DLGAP2: variants seen among roughly 807,000 people sequenced by gnomAD.
DLGAP2 encodes the protein disks large-associated protein 2.
A neutral mutation model predicts 100.3 loss-of-function variants in DLGAP2; 26 were observed. That is an observed-to-expected ratio of 0.26 (90% confidence interval 0.19 to 0.36). The LOEUF is 0.36. DLGAP2 is among the 10% of genes least tolerant of loss of function. The pLI, the probability that DLGAP2 is intolerant of heterozygous loss-of-function variation, is 1.00. For missense variants in DLGAP2, 1,858 were observed against 1,453.2 expected (o/e 1.28, Z -4.53); for synonymous variants, 886 against 630.1 (o/e 1.41, Z -6.08).
At chr8:1,507,121 C>G (rs1230058322) in intron 4 of DLGAP2, among the ~76,000 whole-genome samples, 1 of 152,252 alleles carries the variant, frequency 6.6e-6, no homozygotes, top group Non-Finnish European at 1.5e-5. Context: ...GGATCCTGCG[C>G]TGGGGCCACG....
intron 6 of DLGAP2, among the ~76,000 whole-genome samples, chr8:1,575,481 T>G (rs890514970): frequency 4.0e-5 from 6 of 149,298 alleles, no homozygotes; most frequent in African/African-American, 1.5e-4. Context: ...TTATTATTAT[T>G]ATTATTATTT....
At chr8:1,504,924 T>C (rs1282737372) in intron 4 of DLGAP2, among the ~76,000 whole-genome samples, 1 of 152,140 alleles carries the variant, frequency 6.6e-6, no homozygotes, top group Non-Finnish European at 1.5e-5. Context: ...CCTTTATCAT[T>C]CTAATGTACC....
chr8:763,788 A>G (rs1371073959), intron 1 of DLGAP2, among the ~76,000 whole-genome samples: 5 of 152,246 alleles, frequency 3.3e-5, no homozygotes, highest in African/African-American at 1.2e-4. Flanking sequence ...ACTTGGTGGT[A>G]GAATTTAAAA....
At chr8:1,056,706 C>A (rs1802892714) in intron 2 of DLGAP2, among the ~76,000 whole-genome samples, 1 of 152,210 alleles carries the variant, frequency 6.6e-6, no homozygotes, top group African/African-American at 2.4e-5. Context: ...TCAGACTGAG[C>A]TGGATTTGAA....
rs1801690831 is a variant in DLGAP2, at chr8:1,549,616, T to A, written c.1163T>A (p.Leu388Gln). 6.3e-7 allele frequency: 1 copy of A among 1,584,612 alleles called. No individual in the cohort carries two copies. The highest frequency in any genetic ancestry group is 1.1e-5 in the South Asian group (1 of 88,268). Residue 388 changes from leucine (L) to glutamine (Q), a missense_variant, in exon 5 of 15, where the codon CTG becomes CAG. Coordinates refer to ENST00000637795, the MANE Select transcript of DLGAP2 (RefSeq NM_001346810.2). ...QAKEAYRKSS[L>Q]NLDKPLLHQD... Reference sequence around the variant, plus strand: ...AAGGAGGCCTACCGCAAGAGCTCGCTGAACCTGGACAAGCCGCTGCTGCAC... The same window carrying A: ...AAGGAGGCCTACCGCAAGAGCTCGCAGAACCTGGACAAGCCGCTGCTGCAC...
rs142155426 is a variant in DLGAP2 at position 1,266,359 on chromosome 8, G to T, written c.106+7476G>T. 1.4e-3 allele frequency among the ~76,000 whole-genome samples: 217 copies of T among 152,334 alleles called. 1 individual carries two copies. The highest frequency in any genetic ancestry group is 5.0e-3 in the African/African-American group (208 of 41,584). ...CAGATGAGCGCAGATTCACCTGGGT[G>T]ATACTCTGTCTACGGGGCAAGGTGT... On this transcript the variant is annotated intron_variant, in intron 3 of 14. Transcript: ENST00000637795.
chr8:1,144,087 G>A (rs1387608024), intron 2 of DLGAP2, among the ~76,000 whole-genome samples: 4 of 152,200 alleles, frequency 2.6e-5, no homozygotes, highest in Non-Finnish European at 5.9e-5. Context: ...TTTCCCCTGT[G>A]CTCAGAATGT....
intron 3 of DLGAP2, among the ~76,000 whole-genome samples, chr8:1,378,568 C>T (rs149393504): frequency 3.2e-4 from 49 of 151,902 alleles, no homozygotes; most frequent in African/African-American, 1.1e-3. Flanking sequence ...GTCTGTCCTG[C>T]GCACACCTGG....
intron 3 of DLGAP2, among the ~76,000 whole-genome samples, chr8:1,265,768 G>C (rs1428240059): frequency 6.6e-6 from 1 of 152,118 alleles, no homozygotes; most frequent in African/African-American, 2.4e-5. Flanking sequence ...AGATGATGTT[G>C]GAATAATGTC....
intron 3 of DLGAP2, among the ~76,000 whole-genome samples, chr8:1,265,118 G>A (rs554635502): frequency 4.9e-4 from 75 of 152,150 alleles, no homozygotes; most frequent in African/African-American, 1.7e-3. Context: ...ATAGTACAGG[G>A]AATAAGAAGA....
chr8:1,370,123 T>C (rs866593448), intron 3 of DLGAP2, among the ~76,000 whole-genome samples: 54 of 152,326 alleles, frequency 3.5e-4, no homozygotes, highest in Middle Eastern at 3.4e-3. Flanking sequence ...CGGATATTTA[T>C]GACAATTGGA....
chr8:1,516,647 GTGAC>G (rs777079571), intron 4 of DLGAP2, among the ~76,000 whole-genome samples: 46 of 146,680 alleles, frequency 3.1e-4, no homozygotes, highest in Non-Finnish European at 6.4e-4. Flanking sequence ...GAGTGAGTGA[GTGAC>G]TGAGTGAATG....
chr8:1,667,207 G>C (rs959035208), intron 8 of DLGAP2, among the ~76,000 whole-genome samples: 10 of 152,232 alleles, frequency 6.6e-5, no homozygotes, highest in African/African-American at 2.4e-4. Context: ...TGTTGAGGGA[G>C]AGTGTTAGGG....
At chr8:1,621,778 C>T (rs1277872275) in intron 6 of DLGAP2, 2 of 152,036 alleles carry the variant, frequency 1.3e-5, no homozygotes, top group South Asian at 2.1e-4. Context: ...ATGGCGTTTC[C>T]GAGCCTCTGC....
At chr8:1,008,066 G>T (rs914385860) in intron 2 of DLGAP2, among the ~76,000 whole-genome samples, 3 of 152,198 alleles carry the variant, frequency 2.0e-5, no homozygotes, top group African/African-American at 4.8e-5. Flanking sequence ...CTCCAGGCTA[G>T]AATAAGTTTT....
chr8:1,519,564 C>A (rs140700588), intron 4 of DLGAP2, among the ~76,000 whole-genome samples: 1 of 152,246 alleles, frequency 6.6e-6, no homozygotes, highest in Admixed American at 6.5e-5. Context: ...TGACCCTGAT[C>A]CCCTTGTTTA....
chr8:1,690,564 C>T (rs1799232688), intron 12 of DLGAP2, among the ~76,000 whole-genome samples: 2 of 151,592 alleles, frequency 1.3e-5, no homozygotes, highest in South Asian at 4.2e-4. Context: ...ATTAGCCAGG[C>T]ATGGTGGCAT....
intron 3 of DLGAP2, among the ~76,000 whole-genome samples, chr8:1,342,304 A>T (rs1419407330): frequency 6.6e-6 from 1 of 151,832 alleles, no homozygotes; most frequent in Non-Finnish European, 1.5e-5. Flanking sequence ...AAACCTCCCA[A>T]CCTCACATAT....
At chr8:917,588 T>C (rs1175708058) in intron 2 of DLGAP2, among the ~76,000 whole-genome samples, 1 of 151,414 alleles carries the variant, frequency 6.6e-6, no homozygotes, top group Non-Finnish European at 1.5e-5. Flanking sequence ...AGAATATTCT[T>C]TTGTTGTTGC....
Sources: gnomAD v4.1 joint callset for allele counts (sites outside exome capture counted in the v4.1 genomes callset) on GRCh38, gnomAD v4.1.1 for gene constraint, MANE v1.5 for transcripts, NCBI Gene and HGNC (gene_info 2026-07-23, HGNC 2026-07-21) for gene names.